The following RNF220 variants were observed in gnomAD, a reference collection of about 807,000 sequenced individuals.
RNF220 encodes E3 ubiquitin-protein ligase RNF220.
A neutral mutation model predicts 67.1 loss-of-function variants in RNF220; 7 were observed. That is an observed-to-expected ratio of 0.10 (90% CI 0.06 to 0.20). The LOEUF (loss-of-function observed/expected upper bound fraction) is 0.20, where lower values mean the gene tolerates loss of function less well. RNF220 is among the 10% of genes least tolerant of loss of function. RNF220 has a pLI of 1.00. For missense variants in RNF220, 565 were observed against 740.3 expected, an observed-to-expected ratio of 0.76 and a Z score of 2.75; for synonymous variants, 270 against 283.2, an observed-to-expected ratio of 0.95 and a Z score of 0.47.
At chr1:44,578,893 C>A (rs1027344870) in intron 2 of RNF220, among the ~76,000 whole-genome samples, 1 of 152,106 alleles carries the variant, frequency 6.6e-6, no homozygotes, top group Non-Finnish European at 1.5e-5. Flanking sequence ...AGGCCGGGTG[C>A]GGTGGCTCAC....
intron 2 of RNF220, among the ~76,000 whole-genome samples, chr1:44,462,224 C>T (rs147562806): frequency 5.3e-5 from 8 of 151,644 alleles, no homozygotes; most frequent in East Asian, 3.9e-4. Context: ...TGAGCCACCA[C>T]GCCTGGACAT....
intron 2 of RNF220, among the ~76,000 whole-genome samples, chr1:44,443,414 T>TG (rs1216401210): frequency 1.3e-5 from 2 of 152,224 alleles, no homozygotes; most frequent in Admixed American, 1.3e-4. Context: ...AGCACACTGT[T>TG]GCAGTAGGCT....
In RNF220 at chr1:44,626,158, G is replaced by C. The variant is rs538657481; in HGVS notation, c.805-139G>C. ...CCCAGGACTTGACCCCATGCCTTTA[G>C]AATCTCAAGAGTGGTCTTTCTATCC... is the stretch of plus-strand genomic sequence containing the variant. On this transcript the variant is annotated intron_variant, in intron 4 of 14. Coordinates refer to ENST00000361799, the MANE Select transcript of RNF220 (RefSeq NM_018150.4). 73 of 651,186 alleles carry C rather than the reference G, an allele frequency of 1.1e-4. No individual in the cohort carries two copies. The African/African-American group carries it at 1.2e-3, about 11-fold the overall frequency. 40.3% of individuals were successfully genotyped at this position (651,186 alleles called of 1,614,324 possible).
chr1:44,599,672 A>G (rs537577534), intron 2 of RNF220, among the ~76,000 whole-genome samples: 27 of 152,224 alleles, frequency 1.8e-4, no homozygotes, highest in Non-Finnish European at 3.5e-4. Context: ...AAAAAGGAAT[A>G]AATCACAGTT....
chr1:44,520,085 TTG>T (rs1167831790), intron 2 of RNF220, among the ~76,000 whole-genome samples: 3,394 of 106,324 alleles, frequency 0.032, 52 homozygotes, highest in South Asian at 0.073. Context: ...AAGTCCAGCA[TTG>T]TGTGTGTGTG....
At chr1:44,531,601 T>C (rs1660837821) in intron 2 of RNF220, among the ~76,000 whole-genome samples, 1 of 152,174 alleles carries the variant, frequency 6.6e-6, no homozygotes. Context: ...TTGAGGAATA[T>C]CAGATCAGTT....
intron 2 of RNF220, among the ~76,000 whole-genome samples, chr1:44,564,873 T>A (rs1206234820): frequency 6.6e-6 from 1 of 152,162 alleles, no homozygotes; most frequent in Non-Finnish European, 1.5e-5. Context: ...TCTGGTGGTG[T>A]CGTTCCCTTG....
At chr1:44,535,133 T>C (rs1050189237) in intron 2 of RNF220, among the ~76,000 whole-genome samples, 1 of 135,426 alleles carries the variant, frequency 7.4e-6, no homozygotes, top group East Asian at 2.1e-4. Context: ...AGGCAGCTTC[T>C]TCTTTTTTTT....
chr1:44,520,956 C>T (rs1043638074), intron 2 of RNF220, among the ~76,000 whole-genome samples: 2 of 152,122 alleles, frequency 1.3e-5, no homozygotes, highest in South Asian at 2.1e-4. Flanking sequence ...AGTGCAGTGG[C>T]GCAATCATAG....
chr1:44,410,502 G>A (rs1291925463), intron 1 of RNF220: 1 of 152,206 alleles, frequency 6.6e-6, no homozygotes, highest in Non-Finnish European at 1.5e-5. Flanking sequence ...TGTCTATAAG[G>A]AAAGATGCCA....
chr1:44,513,535 G>A (rs1659206084), intron 2 of RNF220, among the ~76,000 whole-genome samples: 1 of 152,200 alleles, frequency 6.6e-6, no homozygotes, highest in Non-Finnish European at 1.5e-5. Flanking sequence ...GCGAAAGTGA[G>A]TGCAGATTAT....
intron 2 of RNF220, among the ~76,000 whole-genome samples, chr1:44,470,351 A>G (rs1002532379): frequency 5.9e-5 from 9 of 152,256 alleles, no homozygotes; most frequent in African/African-American, 2.2e-4. Flanking sequence ...AGTTTAGAAC[A>G]TGCCAGCTTT....
chr1:44,623,577 A>G (rs547269877), intron 4 of RNF220, among the ~76,000 whole-genome samples: 1 of 152,164 alleles, frequency 6.6e-6, no homozygotes, highest in African/African-American at 2.4e-5. Flanking sequence ...CCTTTTTCCC[A>G]TAATTATTCA....
intron 2 of RNF220, among the ~76,000 whole-genome samples, chr1:44,604,547 G>T (rs149508442): frequency 1.3e-5 from 2 of 152,380 alleles, no homozygotes; most frequent in African/African-American, 2.4e-5. Flanking sequence ...CGGAGCAAAG[G>T]CTCATGGGGT....
chr1:44,464,678 C>T (rs1190361900), intron 2 of RNF220, among the ~76,000 whole-genome samples: 2 of 152,190 alleles, frequency 1.3e-5, no homozygotes, highest in African/African-American at 2.4e-5. Flanking sequence ...CCTCATCTCT[C>T]ATTCAGTCCT....
chr1:44,555,026 G>T (rs550509088), intron 2 of RNF220, among the ~76,000 whole-genome samples: 4 of 152,098 alleles, frequency 2.6e-5, no homozygotes, highest in African/African-American at 9.6e-5. Context: ...TTCTTCAATG[G>T]CTCATTTTTG....
At chr1:44,523,484 C>A (rs1429016236) in intron 2 of RNF220, among the ~76,000 whole-genome samples, 7 of 152,192 alleles carry the variant, frequency 4.6e-5, no homozygotes, top group Non-Finnish European at 2.9e-5. Flanking sequence ...AGGACTTGGT[C>A]CCGCGCTTCC....
chr1:44,442,774 C>T (rs1651699978), intron 2 of RNF220, among the ~76,000 whole-genome samples: 1 of 152,116 alleles, frequency 6.6e-6, no homozygotes, highest in Non-Finnish European at 1.5e-5. Context: ...ATCTAGGCCT[C>T]CCCAAGTGTT....
intron 2 of RNF220, among the ~76,000 whole-genome samples, chr1:44,580,871 C>T (rs1298154410): frequency 6.6e-6 from 1 of 152,250 alleles, no homozygotes; most frequent in African/African-American, 2.4e-5. Flanking sequence ...GAGGAGTGGA[C>T]AGTGGCATGC....
Sources: gnomAD v4.1 joint callset for allele counts (sites outside exome capture counted in the v4.1 genomes callset) on GRCh38, gnomAD v4.1.1 for gene constraint, MANE v1.5 for transcripts, NCBI Gene and HGNC (gene_info 2026-07-23, HGNC 2026-07-21) for gene names.